DHRSX: variants seen among roughly 807,000 people sequenced by gnomAD.
The protein encoded by DHRSX is dehydrogenase/reductase X-linked, also known as polyprenol dehydrogenase.
A neutral mutation model predicts 34.0 loss-of-function variants in DHRSX; 31 were observed. The ratio of observed to expected loss-of-function variants is 0.91; its 90% CI spans 0.69 to 1.23. DHRSX has a LOEUF of 1.23. Among genes scored for constraint, DHRSX ranks in the 50% most tolerant of loss-of-function variants. The pLI, the probability that DHRSX is intolerant of heterozygous loss-of-function variation, is 0.00. For synonymous variants in DHRSX, 201 were observed against 183.8 expected, an observed-to-expected ratio of 1.09 and a Z score of -0.76; for missense variants, 414 against 428.1, an observed-to-expected ratio of 0.97 and a Z score of 0.29.
chrX:2,254,948 C>CA (rs2041256375), intron 5 of DHRSX, among the ~76,000 whole-genome samples: 1 of 141,202 alleles, frequency 7.1e-6, no homozygotes, highest in African/African-American at 2.8e-5. Flanking sequence ...TGCCCCACGC[C>CA]CCCCCCCTTT....
At chrX:2,496,592 T>C (rs1241987902) in intron 1 of DHRSX, among the ~76,000 whole-genome samples, 1 of 152,116 alleles carries the variant, frequency 6.6e-6, no homozygotes, top group Non-Finnish European at 1.5e-5. Context: ...AAAAACTTAC[T>C]CATGGAATCA....
At chrX:2,372,658 G>A (rs1445359272) in intron 3 of DHRSX, among the ~76,000 whole-genome samples, 1 of 151,392 alleles carries the variant, frequency 6.6e-6, no homozygotes, top group Non-Finnish European at 1.5e-5. Flanking sequence ...GCCCAGGCTG[G>A]AGTGCAATGG....
At chrX:2,470,666 T>G (rs1412027819) in intron 1 of DHRSX, among the ~76,000 whole-genome samples, 2 of 152,138 alleles carry the variant, frequency 1.3e-5, no homozygotes, top group Non-Finnish European at 2.9e-5. Context: ...ATGAACATGA[T>G]GCTGTACTCC....
At chrX:2,236,673 C>G (rs2016022910) in intron 6 of DHRSX, among the ~76,000 whole-genome samples, 1 of 151,930 alleles carries the variant, frequency 6.6e-6, no homozygotes, top group Non-Finnish European at 1.5e-5. Context: ...CTCATGTGAT[C>G]CACCCGCCTC....
intron 1 of DHRSX, among the ~76,000 whole-genome samples, chrX:2,495,889 G>A (rs1336952150): frequency 6.6e-6 from 1 of 152,054 alleles, no homozygotes; most frequent in Non-Finnish European, 1.5e-5. Context: ...ACTCTTACCA[G>A]AACGACACGT....
At chrX:2,463,162 A>G (rs184147015) in intron 1 of DHRSX, among the ~76,000 whole-genome samples, 9 of 152,306 alleles carry the variant, frequency 5.9e-5, no homozygotes, top group Non-Finnish European at 1.0e-4. Context: ...TCTCTAGTTT[A>G]TAAATTACCC....
chrX:2,303,564 G>T (rs988313847), intron 3 of DHRSX, among the ~76,000 whole-genome samples: 1 of 152,052 alleles, frequency 6.6e-6, no homozygotes, highest in African/African-American at 2.4e-5. Context: ...TCTGCTTCCT[G>T]TACAGCTTGC....
chrX:2,373,558 CG>C (rs2043104803), intron 3 of DHRSX, among the ~76,000 whole-genome samples: 1 of 152,110 alleles, frequency 6.6e-6, no homozygotes, highest in Non-Finnish European at 1.5e-5. Flanking sequence ...ATGGAAACCA[CG>C]GCTGCTGCAA....
intron 3 of DHRSX, among the ~76,000 whole-genome samples, chrX:2,316,388 C>A (rs865937182): frequency 2.0e-5 from 3 of 152,194 alleles, no homozygotes; most frequent in South Asian, 4.1e-4. Context: ...CCTGTCTCTA[C>A]GAAAAATACA....
chrX:2,444,269 T>C (rs1278723737), intron 1 of DHRSX, among the ~76,000 whole-genome samples: 1 of 152,206 alleles, frequency 6.6e-6, no homozygotes, highest in African/African-American at 2.4e-5. Flanking sequence ...GTGATAATTC[T>C]GCAAGCACAC....
At chrX:2,349,556 A>G (rs147594524) in intron 3 of DHRSX, among the ~76,000 whole-genome samples, 7,093 of 150,296 alleles carry the variant, frequency 0.047, 574 homozygotes, top group African/African-American at 0.17. Flanking sequence ...GCATGGTGGC[A>G]GGCACCTGTA....
At chrX:2,303,159 A>AT (rs1249767973) in intron 3 of DHRSX, among the ~76,000 whole-genome samples, 1 of 152,140 alleles carries the variant, frequency 6.6e-6, no homozygotes, top group African/African-American at 2.4e-5. Flanking sequence ...TAGAAGATGC[A>AT]TTTTTCTTGC....
At chrX:2,339,522 T>C (rs2042614381) in intron 3 of DHRSX, among the ~76,000 whole-genome samples, 1 of 152,066 alleles carries the variant, frequency 6.6e-6, no homozygotes, top group South Asian at 2.1e-4. Flanking sequence ...ATTTGTAGTC[T>C]TTTATCCCTC....
chrX:2,481,305 T>C (rs1436352044), intron 1 of DHRSX, among the ~76,000 whole-genome samples: 2 of 152,040 alleles, frequency 1.3e-5, no homozygotes, highest in African/African-American at 2.4e-5. Flanking sequence ...AATTCAACAG[T>C]TTATATGACC....
At chrX:2,234,326 GCA>G (rs1233451079) in intron 6 of DHRSX, among the ~76,000 whole-genome samples, 1 of 141,212 alleles carries the variant, frequency 7.1e-6, no homozygotes, top group Non-Finnish European at 1.5e-5. Flanking sequence ...CTTCACCCAT[GCA>G]CACAGCCCTG....
intron 3 of DHRSX, among the ~76,000 whole-genome samples, chrX:2,304,236 GATGGATAA>G (rs1490538057): frequency 5.3e-5 from 7 of 133,270 alleles, no homozygotes; most frequent in Admixed American, 2.2e-4. Flanking sequence ...TGGATGGATG[GATGGATAA>G]ATGGATGGAT....
intron 4 of DHRSX, among the ~76,000 whole-genome samples, chrX:2,273,420 T>C (rs1049683709): frequency 9.8e-5 from 15 of 152,300 alleles, no homozygotes; most frequent in Non-Finnish European, 2.1e-4. Context: ...CTGGAGGTTA[T>C]TATTCTACGT....
At chrX:2,450,264 G>A (rs1221934007) in intron 1 of DHRSX, among the ~76,000 whole-genome samples, 1 of 152,006 alleles carries the variant, frequency 6.6e-6, no homozygotes, top group Admixed American at 6.6e-5. Flanking sequence ...TGTTTTTTCT[G>A]AATTTCTCAA....
chrX:2,372,837 C>G (rs2043091299), intron 3 of DHRSX, among the ~76,000 whole-genome samples: 1 of 152,046 alleles, frequency 6.6e-6, no homozygotes, highest in Admixed American at 6.6e-5. Flanking sequence ...GTCTCGAACC[C>G]CTAACCTCAG....
Sources: allele counts gnomAD v4.1 joint callset (sites outside exome capture counted in the v4.1 genomes callset), GRCh38; gene constraint gnomAD v4.1.1; transcripts MANE v1.5; gene names NCBI Gene and HGNC (gene_info 2026-07-23, HGNC 2026-07-21).